SHISA6: variants seen among roughly 807,000 people sequenced by gnomAD.
The protein encoded by SHISA6 is shisa family member 6, also known as protein shisa-6.
In SHISA6, 22 loss-of-function variants were observed where a neutral mutation model predicts 47.9. The observed-to-expected ratio is 0.46, with a 90% CI of 0.33 to 0.66. The LOEUF is 0.66. Among genes scored for constraint, SHISA6 ranks in the 30% least tolerant of loss-of-function variants. The pLI, the probability that SHISA6 is intolerant of heterozygous loss-of-function variation, is 0.02. For synonymous variants in SHISA6, 388 were observed against 337.8 expected (o/e 1.15, Z -1.63); for missense variants, 680 against 764.6 (o/e 0.89, Z 1.30).
intron 3 of SHISA6, among the ~76,000 whole-genome samples, chr17:11,511,173 A>T (rs2142354666): frequency 6.6e-6 from 1 of 152,256 alleles, no homozygotes; most frequent in East Asian, 1.9e-4. Context: ...TTCTCAGCAA[A>T]CTAACACAGG....
intron 3 of SHISA6, among the ~76,000 whole-genome samples, chr17:11,433,448 T>C (rs1246113101): frequency 1.3e-5 from 2 of 152,170 alleles, no homozygotes; most frequent in Non-Finnish European, 2.9e-5. Flanking sequence ...TTCCATGGTG[T>C]ATTTGTGCCA....
At chr17:11,310,270 C>A (rs34869032) in intron 2 of SHISA6, among the ~76,000 whole-genome samples, 23,489 of 152,226 alleles carry the variant, frequency 0.15, 2,208 homozygotes, top group East Asian at 0.36. Flanking sequence ...TGAGCAAAAT[C>A]TGTTTACATA....
At chr17:11,383,937 C>A (rs1012891385) in intron 3 of SHISA6, among the ~76,000 whole-genome samples, 1 of 152,164 alleles carries the variant, frequency 6.6e-6, no homozygotes, top group Non-Finnish European at 1.5e-5. Flanking sequence ...AGAGTCCTCC[C>A]AGGCTGCCAC....
At chr17:11,543,813 T>C (rs552217922) in intron 3 of SHISA6, among the ~76,000 whole-genome samples, 220 of 149,876 alleles carry the variant, frequency 1.5e-3, no homozygotes, top group Middle Eastern at 7.0e-3. Flanking sequence ...CATGCAAATA[T>C]ACCCAACTGA....
chr17:11,554,562 A>C (rs2071958918), intron 4 of SHISA6, among the ~76,000 whole-genome samples: 1 of 152,148 alleles, frequency 6.6e-6, no homozygotes, highest in Non-Finnish European at 1.5e-5. Flanking sequence ...CCTCCTGCAC[A>C]TTCGACCGAA....
At chr17:11,356,749 A>G (rs1355839086) in intron 2 of SHISA6, among the ~76,000 whole-genome samples, 2 of 152,134 alleles carry the variant, frequency 1.3e-5, no homozygotes, top group African/African-American at 4.8e-5. Flanking sequence ...TAAGTTGCAC[A>G]GCAAAGTCTC....
intron 3 of SHISA6, among the ~76,000 whole-genome samples, chr17:11,386,807 C>T (rs1473753002): frequency 1.3e-5 from 2 of 152,118 alleles, no homozygotes; most frequent in Non-Finnish European, 2.9e-5. Context: ...GATCTTTGCT[C>T]AGTGAAATGG....
At chr17:11,452,036 C>G (rs1441724643) in intron 3 of SHISA6, among the ~76,000 whole-genome samples, 1 of 152,202 alleles carries the variant, frequency 6.6e-6, no homozygotes, top group Admixed American at 6.5e-5. Flanking sequence ...TTGACAAGGT[C>G]AGTGGGGAGC....
chr17:11,318,959 C>G (rs1378007037), intron 2 of SHISA6, among the ~76,000 whole-genome samples: 1 of 152,024 alleles, frequency 6.6e-6, no homozygotes, highest in East Asian at 1.9e-4. Context: ...ATCTGTTATC[C>G]TTTTGGCTAG....
intron 2 of SHISA6, among the ~76,000 whole-genome samples, chr17:11,339,714 G>A (rs996631086): frequency 2.6e-5 from 4 of 152,194 alleles, no homozygotes; most frequent in Admixed American, 6.5e-5. Flanking sequence ...AAGGGTTCAT[G>A]TGTAAATGAG....
chr17:11,284,541 T>TG (rs1909229535), intron 2 of SHISA6, among the ~76,000 whole-genome samples: 1 of 152,186 alleles, frequency 6.6e-6, no homozygotes, highest in African/African-American at 2.4e-5. Context: ...GGAGACAAAT[T>TG]GACTACTAGG....
chr17:11,544,788 G>A (rs1204244219), intron 3 of SHISA6, among the ~76,000 whole-genome samples: 3 of 151,754 alleles, frequency 2.0e-5, no homozygotes, highest in Non-Finnish European at 2.9e-5. Context: ...GTGAAACCCC[G>A]TCTCTACTAA....
intron 2 of SHISA6, among the ~76,000 whole-genome samples, chr17:11,350,193 T>A (rs555527001): frequency 0.07 from 9,550 of 136,356 alleles, 603 homozygotes; most frequent in East Asian, 0.21. Context: ...TTTTTTTTTT[T>A]TTTTGAGACG....
intron 3 of SHISA6, among the ~76,000 whole-genome samples, chr17:11,435,005 T>C (rs1463783465): frequency 6.6e-6 from 1 of 152,122 alleles, no homozygotes. Flanking sequence ...TATTAAGAGA[T>C]GAGACCTTTG....
chr17:11,331,346 G>A (rs902250417), intron 2 of SHISA6, among the ~76,000 whole-genome samples: 10 of 152,114 alleles, frequency 6.6e-5, no homozygotes, highest in African/African-American at 1.7e-4. Flanking sequence ...CAGTGGGAAC[G>A]TTTGCTAAAT....
intron 3 of SHISA6, among the ~76,000 whole-genome samples, chr17:11,419,884 A>T (rs1914404096): frequency 6.6e-6 from 1 of 152,172 alleles, no homozygotes; most frequent in Non-Finnish European, 1.5e-5. Context: ...ATCTGAACCC[A>T]GCCATGGTTC....
At chr17:11,300,149 C>A (rs200190641) in intron 2 of SHISA6, among the ~76,000 whole-genome samples, 2,075 of 127,244 alleles carry the variant, frequency 0.016, 2 homozygotes, top group African/African-American at 0.021. Flanking sequence ...CATCTTAAAA[C>A]AAAAAAAAAA....
chr17:11,357,270 G>A (rs1912111643), intron 2 of SHISA6, among the ~76,000 whole-genome samples: 1 of 151,690 alleles, frequency 6.6e-6, no homozygotes, highest in Non-Finnish European at 1.5e-5. Flanking sequence ...GTGGTGGTAA[G>A]AGGAGGCTGT....
rs553078573 is a variant in SHISA6 at position 11,271,427 on chromosome 17, T to A, written c.799+7901T>A. Reference sequence around the variant, plus strand: ...CTTGCATGGCGCAGATACACCAAGTTCCATTTTATTTATTTATTTTTTATT... The same window carrying A: ...CTTGCATGGCGCAGATACACCAAGTACCATTTTATTTATTTATTTTTTATT... On this transcript the variant is annotated intron_variant, in intron 2 of 5. Transcript: ENST00000441885. Among the ~76,000 whole-genome samples the A allele has an allele frequency of 8.0e-4, 121 of 152,086 alleles. 2 individuals carry two copies. In the South Asian group the frequency reaches 0.024, roughly 31 times the overall value.
Sources: allele counts gnomAD v4.1 joint callset (sites outside exome capture counted in the v4.1 genomes callset), GRCh38; gene constraint gnomAD v4.1.1; transcripts MANE v1.5; gene names NCBI Gene and HGNC (gene_info 2026-07-23, HGNC 2026-07-21).